CACNG3: variants seen among roughly 807,000 people sequenced by gnomAD.
The protein encoded by CACNG3 is calcium voltage-gated channel auxiliary subunit gamma 3.
A neutral mutation model predicts 28.5 loss-of-function variants in CACNG3; 3 were observed. That is an observed-to-expected ratio of 0.11 (90% confidence interval 0.05 to 0.27). The LOEUF (loss-of-function observed/expected upper bound fraction) is 0.27, where lower values mean the gene tolerates loss of function less well. CACNG3 is among the 10% of genes least tolerant of loss of function. The probability of loss-of-function intolerance (pLI) is 1.00; values close to 1 mark genes in which losing one functional copy is unlikely to be tolerated. For synonymous variants in CACNG3, 174 were observed against 162.2 expected (o/e 1.07, Z -0.55); for missense variants, 236 against 414.4 (o/e 0.57, Z 3.74).
chr16:24,312,983 A>G (rs1360721471), intron 1 of CACNG3, among the ~76,000 whole-genome samples: 3 of 146,028 alleles, frequency 2.1e-5, no homozygotes, highest in Non-Finnish European at 3.0e-5. Flanking sequence ...AGAAAGAAAT[A>G]AAAGAAAGAA....
At chr16:24,271,299 A>C (rs1287041866) in intron 1 of CACNG3, among the ~76,000 whole-genome samples, 1 of 152,176 alleles carries the variant, frequency 6.6e-6, no homozygotes, top group Admixed American at 6.5e-5. Flanking sequence ...GTAGCACCTC[A>C]TTAGCACTGT....
At chr16:24,319,152 A>G (rs1023076231) in intron 1 of CACNG3, among the ~76,000 whole-genome samples, 1 of 152,232 alleles carries the variant, frequency 6.6e-6, no homozygotes, top group Non-Finnish European at 1.5e-5. Flanking sequence ...AAGAGTGTCA[A>G]CCTAAATGAC....
At chr16:24,343,138 A>G (rs1199639211) in intron 1 of CACNG3, among the ~76,000 whole-genome samples, 1 of 152,098 alleles carries the variant, frequency 6.6e-6, no homozygotes, top group Non-Finnish European at 1.5e-5. Flanking sequence ...GCAGTGGGCT[A>G]TGATTACACC....
chr16:24,298,393 CCA>C (rs372614905), intron 1 of CACNG3, among the ~76,000 whole-genome samples: 5 of 151,600 alleles, frequency 3.3e-5, no homozygotes, highest in Admixed American at 1.3e-4. Flanking sequence ...CAATTGAAAA[CCA>C]CACACACACA....
chr16:24,280,251 A>G (rs1251411019), intron 1 of CACNG3, among the ~76,000 whole-genome samples: 1 of 152,238 alleles, frequency 6.6e-6, no homozygotes, highest in Non-Finnish European at 1.5e-5. Flanking sequence ...TCTGGTTTTA[A>G]GTGAACATTA....
intron 1 of CACNG3, among the ~76,000 whole-genome samples, chr16:24,295,602 T>C (rs1045631019): frequency 2.0e-5 from 3 of 152,092 alleles, no homozygotes; most frequent in Non-Finnish European, 4.4e-5. Flanking sequence ...ATCCAAGCAC[T>C]TTGGGAGACT....
chr16:24,360,082 A>C (rs905350442), intron 3 of CACNG3, among the ~76,000 whole-genome samples: 2 of 152,106 alleles, frequency 1.3e-5, no homozygotes, highest in African/African-American at 2.4e-5. Context: ...GGAAATGGTT[A>C]CTCACCAACT....
intron 1 of CACNG3, among the ~76,000 whole-genome samples, chr16:24,345,788 A>G (rs977141031): frequency 6.6e-6 from 1 of 152,204 alleles, no homozygotes; most frequent in African/African-American, 2.4e-5. Flanking sequence ...TGAACCTCAT[A>G]GCGAGGGAGA....
At chr16:24,335,247 C>T (rs1003603242) in intron 1 of CACNG3, among the ~76,000 whole-genome samples, 8 of 151,880 alleles carry the variant, frequency 5.3e-5, no homozygotes, top group South Asian at 4.2e-4. Context: ...TGGTGAAACG[C>T]TGTCTGTACT....
intron 1 of CACNG3, among the ~76,000 whole-genome samples, chr16:24,320,010 C>G (rs1244686523): frequency 6.6e-6 from 1 of 152,212 alleles, no homozygotes; most frequent in Non-Finnish European, 1.5e-5. Context: ...ACCAAGTGAT[C>G]TGCCTGCCTT....
chr16:24,309,526 A>C (rs1899231471), intron 1 of CACNG3, among the ~76,000 whole-genome samples: 1 of 152,182 alleles, frequency 6.6e-6, no homozygotes, highest in Non-Finnish European at 1.5e-5. Flanking sequence ...TTGGTTTTGC[A>C]CACAGTTCCA....
rs71154295 is a variant in CACNG3, at chr16:24,280,821, C to CAAAA, written c.211+23877_211+23880dup. On this transcript the variant is annotated intron_variant, in intron 1 of 3. Coordinates refer to ENST00000005284, the MANE Select transcript of CACNG3 (RefSeq NM_006539.4). The stretch of plus-strand genomic sequence containing the variant: ...TGGGTGACAGAGCAAGAGTTTGTCT[C>CAAAA]AAAAAAAAAAAAAAAAAAAAAAAAG... 2.9e-3 allele frequency among the ~76,000 whole-genome samples: 159 copies of CAAAA among 55,644 alleles called. 17 individuals are homozygous for CAAAA. Among genetic ancestry groups the CAAAA allele is most frequent in the African/African-American group, 5.3e-3 (73 of 13,786 alleles). 36.5% of individuals were successfully genotyped at this position (55,644 alleles called of 152,430 possible).
Position 24,258,291 on chromosome 16 carries a change from G to A in CACNG3, c.211+1326G>A, listed in dbSNP as rs559669834. 7.2e-5 allele frequency among the ~76,000 whole-genome samples: 11 copies of A among 152,256 alleles called. No homozygotes were observed. The South Asian group carries it at 1.7e-3, about 23-fold the overall frequency. On this transcript the variant is annotated intron_variant, in intron 1 of 3. Transcript: ENST00000005284. Reference sequence around the variant, plus strand: ...GAACAACTGCTCTCCTGACCGTAGCGCTACTACAATTGATTCTGTTTCTAA... The same window carrying A: ...GAACAACTGCTCTCCTGACCGTAGCACTACTACAATTGATTCTGTTTCTAA...
chr16:24,267,524 G>A (rs1898629376), intron 1 of CACNG3, among the ~76,000 whole-genome samples: 1 of 152,098 alleles, frequency 6.6e-6, no homozygotes, highest in Non-Finnish European at 1.5e-5. Context: ...ATGGGCTGAA[G>A]CAATTCTCCC....
intron 1 of CACNG3, among the ~76,000 whole-genome samples, chr16:24,270,558 G>A (rs558788659): frequency 2.6e-5 from 4 of 152,236 alleles, no homozygotes; most frequent in South Asian, 4.1e-4. Context: ...TCTTTGGTGA[G>A]TGATGGCTTA....
intron 2 of CACNG3, among the ~76,000 whole-genome samples, chr16:24,354,377 T>G (rs1377775671): frequency 6.6e-6 from 1 of 152,006 alleles, no homozygotes; most frequent in Non-Finnish European, 1.5e-5. Flanking sequence ...TGACTCTCCT[T>G]GTGTCCGTGC....
chr16:24,357,128 G>C (rs555415171), intron 3 of CACNG3, among the ~76,000 whole-genome samples: 23 of 151,602 alleles, frequency 1.5e-4, no homozygotes, highest in Admixed American at 7.2e-4. Flanking sequence ...CAGTTACTTG[G>C]GAGGCTGAGG....
At chr16:24,273,359 A>G (rs1041318883) in intron 1 of CACNG3, among the ~76,000 whole-genome samples, 1 of 152,100 alleles carries the variant, frequency 6.6e-6, no homozygotes, top group African/African-American at 2.4e-5. Context: ...CTCCCTCTGT[A>G]TTGATTAGCT....
chr16:24,321,815 T>C (rs1046229348), intron 1 of CACNG3, among the ~76,000 whole-genome samples: 2 of 152,248 alleles, frequency 1.3e-5, no homozygotes, highest in Admixed American at 6.5e-5. Flanking sequence ...ACTTTCATGA[T>C]GATATACTGC....
Sources: allele counts gnomAD v4.1 joint callset (sites outside exome capture counted in the v4.1 genomes callset), GRCh38; gene constraint gnomAD v4.1.1; transcripts MANE v1.5; gene names NCBI Gene and HGNC (gene_info 2026-07-23, HGNC 2026-07-21).